WWP2: variants seen among roughly 807,000 people sequenced by gnomAD.
WWP2 encodes WW domain containing E3 ubiquitin protein ligase 2.
A neutral mutation model predicts 121.0 loss-of-function variants in WWP2; 57 were observed. That is an observed-to-expected ratio of 0.47 (90% CI 0.38 to 0.59). The LOEUF is 0.59. Ranked by LOEUF, WWP2 falls within the 20% of genes least tolerant of loss-of-function variation. The pLI, the probability that WWP2 is intolerant of heterozygous loss-of-function variation, is 0.00. For synonymous variants in WWP2, 449 were observed against 441.3 expected, an observed-to-expected ratio of 1.02 and a Z score of -0.22; for missense variants, 962 against 1,158.9, an observed-to-expected ratio of 0.83 and a Z score of 2.47.
chr16:69,812,312 C>T (rs1235207028), intron 4 of WWP2, among the ~76,000 whole-genome samples: 15 of 150,896 alleles, frequency 9.9e-5, no homozygotes, highest in Admixed American at 9.9e-4. Context: ...ATTACAGGCA[C>T]CCACCATCAT....
chr16:69,921,394 C>T lies in WWP2; in HGVS notation c.1179+3511C>T, dbSNP rs533567787. On this transcript the variant is annotated intron_variant, in intron 10 of 23. Transcript: ENST00000359154. ...CCCTCCTCCTCTTGCTGGGCTTCAA[C>T]TGAGACCTTGTTCTTCTTTGCTGCA... Among the ~76,000 whole-genome samples, 53 of 152,342 alleles carry T rather than the reference C, an allele frequency of 3.5e-4. 1 individual carries two copies. Among genetic ancestry groups the T allele is most frequent in the African/African-American group, 1.3e-3 (53 of 41,582 alleles).
chr16:69,837,760 T>C (rs943658549), intron 4 of WWP2, among the ~76,000 whole-genome samples: 3 of 152,118 alleles, frequency 2.0e-5, no homozygotes, highest in Non-Finnish European at 2.9e-5. Flanking sequence ...CCAATAGCGG[T>C]GTGTGTCCTG....
At chr16:69,788,007 C>G (rs138867319) in intron 2 of WWP2, 1 of 152,398 alleles carries the variant, frequency 6.6e-6, no homozygotes, top group Non-Finnish European at 1.5e-5. Flanking sequence ...TCCTGTCTCT[C>G]GGCTTCTGCA....
chr16:69,907,362 C>T (rs1333697601), intron 8 of WWP2, among the ~76,000 whole-genome samples: 2 of 152,158 alleles, frequency 1.3e-5, no homozygotes, highest in Non-Finnish European at 2.9e-5. Flanking sequence ...ATGCTCACAT[C>T]GTCCGCTTCT....
chr16:69,818,753 C>A (rs190113138), intron 4 of WWP2, among the ~76,000 whole-genome samples: 106 of 152,180 alleles, frequency 7.0e-4, no homozygotes, highest in Non-Finnish European at 1.3e-3. Context: ...ATTCAGTCTC[C>A]CTTGCTCGTT....
At chr16:69,802,296 A>G (rs2056186083) in intron 4 of WWP2, among the ~76,000 whole-genome samples, 1 of 152,178 alleles carries the variant, frequency 6.6e-6, no homozygotes, top group African/African-American at 2.4e-5. Flanking sequence ...TTTTAGGTGT[A>G]TAGGTTAGTG....
intron 7 of WWP2, among the ~76,000 whole-genome samples, chr16:69,872,559 A>G (rs2057660789): frequency 6.6e-6 from 1 of 152,172 alleles, no homozygotes; most frequent in Admixed American, 6.6e-5. Flanking sequence ...GTTGGGGAGG[A>G]TATCTCATTT....
rs1597664558 is a variant in WWP2 at position 69,786,954 on chromosome 16, T to C, written c.-15-42T>C. ...ATTGAGTTAAACTCCTCTGTCTTCT[T>C]ATCAGATATTCTCTGAATTCTTTTT... On this transcript the variant is annotated intron_variant, in intron 1 of 23. Coordinates refer to ENST00000359154, the MANE Select transcript of WWP2 (RefSeq NM_001270454.2). 6.6e-6 allele frequency: 10 copies of C among 1,524,110 alleles called. No individual in the cohort carries two copies. The East Asian group carries it at 2.3e-4, about 35-fold the overall frequency. The allele number at this position is 1,524,110 out of a possible 1,614,324, so 94.4% of individuals were successfully genotyped here. A position where few individuals can be genotyped will look rare whatever the true frequency, so the allele number is the denominator to read the frequency against.
chr16:69,934,187 C>T, intron 17 of WWP2, 58 bp downstream of exon 17: 1 of 1,593,656 alleles, frequency 6.3e-7, no homozygotes, highest in Admixed American at 1.7e-5. Context: ...TCTTCCCTCT[C>T]CTGGTGAAGT....
chr16:69,807,771 A>G (rs1567677362), intron 4 of WWP2, among the ~76,000 whole-genome samples: 2 of 151,874 alleles, frequency 1.3e-5, no homozygotes. Context: ...TGGGCAACAT[A>G]GTGAGACCCT....
chr16:69,934,298 G>A (rs8048678), intron 17 of WWP2, among the ~76,000 whole-genome samples, 169 bp downstream of exon 17: 119,610 of 152,050 alleles, frequency 0.79, 47,320 homozygotes, highest in East Asian at 0.96. Flanking sequence ...GCAGCGTGGC[G>A]TGAACGGCAG....
In WWP2 at chr16:69,934,149, C is replaced by T. The variant is rs1487205199; in HGVS notation, c.1842+20C>T. ...GCCATGGTAAGGGGGCCCCAGGGGT[C>T]TGCCTAGTTCCCTCCTCCTCTCCCT... On this transcript the variant is annotated intron_variant, in intron 17 of 23. Coordinates refer to ENST00000359154, the MANE Select transcript of WWP2 (RefSeq NM_001270454.2). The T allele has an allele frequency of 1.2e-6, 2 of 1,612,604 alleles. No homozygotes were observed. The highest frequency in any genetic ancestry group is 2.7e-5 in the African/African-American group (2 of 74,904).
In WWP2 at chr16:69,914,538, G is replaced by A. The variant is rs145268330; in HGVS notation, c.1005-3171G>A. On this transcript the variant is annotated intron_variant, in intron 9 of 23. Coordinates refer to ENST00000359154, the MANE Select transcript of WWP2 (RefSeq NM_001270454.2). ...TTTGGGGGGCCAAGGCAGGAGGATC[G>A]TTTGAGTCCAGGAGTTCAAGACCAG... Among the ~76,000 whole-genome samples the A allele has an allele frequency of 4.1e-3, 626 of 152,172 alleles. 8 individuals carry two copies. Among genetic ancestry groups the A allele is most frequent in the African/African-American group, 0.014 (587 of 41,520 alleles).
chr16:69,770,967 T>C (rs1265537654), intron 1 of WWP2, among the ~76,000 whole-genome samples: 1 of 147,800 alleles, frequency 6.8e-6, no homozygotes, highest in Non-Finnish European at 1.5e-5. Context: ...ATCCTGTCTC[T>C]ATTAAAAAAA....
chr16:69,931,513 A>G lies in WWP2; in HGVS notation c.1526A>G (p.Asn509Ser). The change falls in exon 15 of 24, where the codon AAT becomes AGT. Residue 509 changes from asparagine (N) to serine (S), a missense_variant. By Grantham distance (46) the Asn-to-Ser change is conservative. Coordinates refer to ENST00000359154, the MANE Select transcript of WWP2 (RefSeq NM_001270454.2). Reference sequence around the variant, plus strand: ...CTTTTCTTTTTTTTTTTTCAGTCAAATGCCCTACCTAGCCACGTGAAGATC... The same window carrying G: ...CTTTTCTTTTTTTTTTTTCAGTCAAGTGCCCTACCTAGCCACGTGAAGATC... The part of the protein sequence containing the change: ...YHQFRFLCHS[N>S]ALPSHVKISV... The G allele has an allele frequency of 6.2e-7, 1 of 1,613,184 alleles. No homozygotes were observed. Among genetic ancestry groups the G allele is most frequent in the South Asian group, 1.1e-5 (1 of 91,028 alleles).
intron 4 of WWP2, among the ~76,000 whole-genome samples, chr16:69,815,877 C>T (rs1004798255): frequency 1.3e-5 from 2 of 150,922 alleles, no homozygotes; most frequent in Non-Finnish European, 2.9e-5. Flanking sequence ...GCTTTATTTT[C>T]TTTCTGAGTA....
intron 23 of WWP2, among the ~76,000 whole-genome samples, 177 bp downstream of exon 23, chr16:69,939,590 A>G (rs1289364287): frequency 6.6e-6 from 1 of 152,104 alleles, no homozygotes; most frequent in African/African-American, 2.4e-5. Flanking sequence ...GGTTTTACAT[A>G]TGAAGCACTT....
chr16:69,792,149 T>G lies in WWP2; in HGVS notation c.70+5069T>G, dbSNP rs930441712. ...GTGACTGCGCGGTTTCCAGTTCCCT[T>G]GTGCCTGCCCACAGTGTGATCCTGG... On this transcript the variant is annotated intron_variant, in intron 2 of 23. Transcript: ENST00000359154. 4.6e-5 allele frequency among the ~76,000 whole-genome samples: 7 copies of G among 152,298 alleles called. No individual in the cohort carries two copies. The East Asian group carries it at 1.3e-3, about 29-fold the overall frequency.
In WWP2 at chr16:69,846,049, C is replaced by CAAAAAAAAAA. The variant is rs57201672; in HGVS notation, c.575+3941_575+3950dup. 8.1e-3 allele frequency among the ~76,000 whole-genome samples: 371 copies of CAAAAAAAAAA among 45,560 alleles called. 77 individuals are homozygous for CAAAAAAAAAA. The highest frequency in any genetic ancestry group is 0.028 in the African/African-American group (274 of 9,736). 29.9% of individuals were successfully genotyped at this position (45,560 alleles called of 152,430 possible). A position where few individuals can be genotyped will look rare whatever the true frequency, so the allele number is the denominator to read the frequency against. Reference sequence around the variant, plus strand: ...TGGGTGACAGAGCCAGACTCCATCTCAAAAAAAAAAAAAAAAAAAAAGAAT... The same window carrying CAAAAAAAAAA: ...TGGGTGACAGAGCCAGACTCCATCTCAAAAAAAAAAAAAAAAAAAAAAAAAAAAAAAGAAT... On this transcript the variant is annotated intron_variant, in intron 6 of 23. Transcript: ENST00000359154.
Sources: allele counts gnomAD v4.1 joint callset (sites outside exome capture counted in the v4.1 genomes callset), GRCh38; gene constraint gnomAD v4.1.1; transcripts MANE v1.5; gene names NCBI Gene and HGNC (gene_info 2026-07-23, HGNC 2026-07-21).